The following C7 variants were observed in gnomAD, a reference collection of about 807,000 sequenced individuals.
The protein encoded by C7 is complement C7.
C7 carries 83 observed loss-of-function variants against 104.8 expected under a neutral mutation model. The observed-to-expected ratio is 0.79, with a 90% CI of 0.66 to 0.95. The LOEUF (loss-of-function observed/expected upper bound fraction) is 0.95, where lower values mean the gene tolerates loss of function less well. Among genes scored for constraint, C7 ranks in the 40% least tolerant of loss-of-function variants. C7 has a pLI of 0.00. For synonymous variants in C7, 415 were observed against 360.6 expected, an observed-to-expected ratio of 1.15 and a Z score of -1.71; for missense variants, 1,070 against 1,011.2, an observed-to-expected ratio of 1.06 and a Z score of -0.79.
chr5:40,946,847 C>T (rs1262163693), intron 7 of C7, among the ~76,000 whole-genome samples: 1 of 151,858 alleles, frequency 6.6e-6, no homozygotes, highest in Non-Finnish European at 1.5e-5. Context: ...CACTTGAGGT[C>T]AGGAGTTCAA....
chr5:40,941,344 G>A (rs545162383), intron 6 of C7, among the ~76,000 whole-genome samples: 7 of 152,232 alleles, frequency 4.6e-5, no homozygotes, highest in South Asian at 2.1e-4. Flanking sequence ...GATTACAAGC[G>A]TGAGCCACTG....
chr5:40,962,310 G>A (rs2111676211), intron 13 of C7, 138 bp downstream of exon 13: 1 of 496,662 alleles, frequency 2.0e-6, no homozygotes, highest in Non-Finnish European at 3.5e-6. Flanking sequence ...TTAGTGGTGA[G>A]GGTTTTAGTG....
intron 16 of C7, 22 bp from the exon 17 acceptor site, chr5:40,979,703 T>C (rs1279453641): frequency 3.1e-6 from 5 of 1,595,052 alleles, no homozygotes; most frequent in African/African-American, 2.7e-5. Flanking sequence ...TTGTAAATAA[T>C]GTCATTAAAA....
chr5:40,936,205 T>G lies in C7; in HGVS notation c.281-133T>G, dbSNP rs181829579. 15 of 678,920 alleles carry G rather than the reference T, an allele frequency of 2.2e-5. No individual in the cohort carries two copies. In the East Asian group the frequency reaches 4.1e-4, roughly 19 times the overall value. The allele number at this position is 678,920 out of a possible 1,614,324, so 42.1% of individuals were successfully genotyped here. ...CTCACTAGTCCTTTCCGAGACACTCTGAGGATTTATCTCCCATTTACATTG... is the reference window on the plus strand; with the variant it reads ...CTCACTAGTCCTTTCCGAGACACTCGGAGGATTTATCTCCCATTTACATTG... On this transcript the variant is annotated intron_variant, in intron 4 of 17. Coordinates refer to ENST00000313164, the MANE Select transcript of C7 (RefSeq NM_000587.4).
chr5:40,934,538 A>ATTTT (rs1739774831), intron 4 of C7, 72 bp downstream of exon 4: 1 of 1,452,698 alleles, frequency 6.9e-7, no homozygotes, highest in South Asian at 1.2e-5. Context: ...TGCTCGTTAT[A>ATTTT]TATTTGTTAA....
At chr5:40,964,995 T>C in intron 14 of C7, 122 bp downstream of exon 14, 1 of 1,139,496 alleles carries the variant, frequency 8.8e-7, no homozygotes, top group Non-Finnish European at 1.3e-6. Flanking sequence ...AAGGCTGACA[T>C]GATCCTGTTC....
In C7 at chr5:40,918,665, A is replaced by G. The variant is rs1314793919; in HGVS notation, c.6+9049A>G. On this transcript the variant is annotated intron_variant, in intron 1 of 17. Transcript: ENST00000313164. ...GATAACTATACTTATATAAGACAAA[A>G]TAGACTTAAAGTCAAAAACTGTAAA... 6.1e-5 allele frequency among the ~76,000 whole-genome samples: 9 copies of G among 147,442 alleles called. No homozygotes were observed. The East Asian group carries it at 1.4e-3, about 23-fold the overall frequency.
At chr5:40,965,639 TATATATA>T (rs1561255868) in intron 14 of C7, among the ~76,000 whole-genome samples, 1 of 80,392 alleles carries the variant, frequency 1.2e-5, no homozygotes, top group East Asian at 3.2e-4. Context: ...TATATATATA[TATATATA>T]TATTTTTTTT....
At chr5:40,977,631 A>T (rs1579879382) in intron 16 of C7, among the ~76,000 whole-genome samples, 1 of 152,034 alleles carries the variant, frequency 6.6e-6, no homozygotes, top group Non-Finnish European at 1.5e-5. Context: ...GGGCATAAAC[A>T]CCTCAACTGC....
intron 12 of C7, among the ~76,000 whole-genome samples, chr5:40,961,415 C>T (rs1441698245): frequency 1.3e-5 from 2 of 150,796 alleles, no homozygotes; most frequent in Non-Finnish European, 2.9e-5. Context: ...GATGGGGTCT[C>T]ACTCTGTCAC....
chr5:40,970,328 T>C (rs547258240), intron 14 of C7, among the ~76,000 whole-genome samples: 35 of 150,878 alleles, frequency 2.3e-4, no homozygotes, highest in African/African-American at 8.5e-4. Context: ...ATTAGCAAGA[T>C]TTTTTTTTTA....
In C7 at chr5:40,964,822, G is replaced by C. The variant is rs752503418; in HGVS notation, c.1831G>C (p.Ala611Pro). ...EGYSLIGNPV[A>P]RCGEDLRWLV... is the part of the protein sequence containing the mutation. Reference sequence around the variant, plus strand: ...ATACTCTCTTATTGGAAACCCAGTGGCCAGATGTGGAGAAGATTTACGGTG... The same window carrying C: ...ATACTCTCTTATTGGAAACCCAGTGCCCAGATGTGGAGAAGATTTACGGTG... The change falls in exon 14 of 18, where the codon GCC (alanine) becomes CCC (proline). Residue 611 changes from alanine (A) to proline (P), a missense_variant. By Grantham distance (27) the Ala-to-Pro change is conservative. Coordinates refer to ENST00000313164, the MANE Select transcript of C7 (RefSeq NM_000587.4). 24 of 1,613,666 alleles carry C rather than the reference G, an allele frequency of 1.5e-5. No individual in the cohort carries two copies. Among genetic ancestry groups the C allele is most frequent in the Middle Eastern group, 1.6e-4 (1 of 6,082 alleles).
At chr5:40,964,318 C>T (rs1292158915) in intron 13 of C7, among the ~76,000 whole-genome samples, 2 of 151,986 alleles carry the variant, frequency 1.3e-5, no homozygotes, top group Admixed American at 6.6e-5. Context: ...GCTAGAATTA[C>T]AGGCATGAGA....
chr5:40,981,432 C>A lies in C7; in HGVS notation c.2391C>A (p.Cys797Ter). The A allele has an allele frequency of 6.2e-7, 1 of 1,613,206 alleles. No individual in the cohort carries two copies. The highest frequency in any genetic ancestry group is 8.5e-7 in the Non-Finnish European group (1 of 1,179,580). Residue 797 changes from cysteine to a stop codon, truncating the protein, a stop_gained, in exon 18 of 18, where the codon TGC becomes TGA. Transcript: ENST00000313164. LOFTEE classifies it low-confidence loss of function (END_TRUNC). ...SKCVCREASE[C>*]EEEGFSICVE... ...GTGTCTGCCGAGAAGCATCGGAGTG[C>A]GAGGAAGAAGGGTTTAGCATTTGTG...
intron 14 of C7, among the ~76,000 whole-genome samples, 184 bp from the exon 15 acceptor site, chr5:40,972,219 G>A (rs1344281443): frequency 6.6e-6 from 1 of 152,090 alleles, no homozygotes; most frequent in Non-Finnish European, 1.5e-5. Context: ...ATATTCATGG[G>A]TCAATTACGT....
chr5:40,979,596 C>T (rs1740894496), intron 16 of C7, 129 bp from the exon 17 acceptor site: 7 of 512,014 alleles, frequency 1.4e-5, no homozygotes, highest in Non-Finnish European at 1.9e-5. Context: ...GAGTTTCCAC[C>T]TTTTTTTTTT....
At chr5:40,965,183 A>G (rs1250299455) in intron 14 of C7, among the ~76,000 whole-genome samples, 2 of 152,234 alleles carry the variant, frequency 1.3e-5, no homozygotes, top group Admixed American at 6.5e-5. Flanking sequence ...CTCAGGATGT[A>G]CCACAATCAA....
At chr5:40,924,035 T>C (rs1396920909) in intron 1 of C7, among the ~76,000 whole-genome samples, 1 of 152,318 alleles carries the variant, frequency 6.6e-6, no homozygotes, top group East Asian at 1.9e-4. Context: ...CCCAAAGTCT[T>C]AACTCATTCC....
intron 9 of C7, among the ~76,000 whole-genome samples, chr5:40,954,582 A>G (rs117555096): frequency 7.8e-4 from 118 of 151,900 alleles, no homozygotes; most frequent in East Asian, 6.0e-3. Context: ...TTTCTTTTTT[A>G]AAAAATATAC....
Sources: allele counts gnomAD v4.1 joint callset (sites outside exome capture counted in the v4.1 genomes callset), GRCh38; gene constraint gnomAD v4.1.1; transcripts MANE v1.5; gene names NCBI Gene and HGNC (gene_info 2026-07-23, HGNC 2026-07-21).